RHOH: variants seen among roughly 807,000 people sequenced by gnomAD.
RHOH encodes ras homolog family member H, also known as rho-related GTP-binding protein RhoH.
Under a neutral mutation model 13.8 loss-of-function variants are expected in RHOH, and 6 were observed. The observed-to-expected ratio is 0.44, with a 90% CI of 0.24 to 0.86. RHOH has a LOEUF of 0.86. RHOH is among the 40% of genes least tolerant of loss of function. RHOH has a pLI of 0.24. For missense variants in RHOH, 147 were observed against 244.5 expected, an observed-to-expected ratio of 0.60 and a Z score of 2.66; for synonymous variants, 117 against 103.0, an observed-to-expected ratio of 1.14 and a Z score of -0.82.
At chr4:40,209,706 T>G (rs893712928) in intron 1 of RHOH, 1 of 152,370 alleles carries the variant, frequency 6.6e-6, no homozygotes, top group Middle Eastern at 3.4e-3. Flanking sequence ...CCTCCCAAAG[T>G]GCTGGGATTA....
upstream of RHOH, among the ~76,000 whole-genome samples, chr4:40,195,772 G>A (rs1220068583): frequency 6.6e-6 from 1 of 152,166 alleles, no homozygotes; most frequent in East Asian, 1.9e-4. Flanking sequence ...GATTTTCTAG[G>A]AGATAATGTG....
chr4:40,201,366 G>GA (rs201431420), intron 1 of RHOH, among the ~76,000 whole-genome samples: 208 of 136,836 alleles, frequency 1.5e-3, no homozygotes, highest in East Asian at 6.2e-3. Context: ...TGATTTCAAT[G>GA]AAAAAAAAAA....
At position 40,233,788 on chromosome 4, in the gene RHOH, A is replaced by T. The variant is rs79873375; in HGVS notation, c.-330-8926A>T. Reference sequence around the variant, plus strand: ...TTGGATTTTTTTCAACCATTAAAAAATGTAAAAACCACCTGTAATCCCAGC... The same window carrying T: ...TTGGATTTTTTTCAACCATTAAAAATTGTAAAAACCACCTGTAATCCCAGC... On this transcript the variant is annotated intron_variant, in intron 1 of 2. Transcript: ENST00000381799. Among the ~76,000 whole-genome samples, 1,407 of 152,160 alleles carry T rather than the reference A, an allele frequency of 9.2e-3. 45 individuals carry two copies. Among genetic ancestry groups the T allele is most frequent in the East Asian group, 0.069 (358 of 5,174 alleles).
chr4:40,246,752 T>C lies in RHOH; in HGVS notation c.*2790T>C, dbSNP rs1729790732. The C allele has an allele frequency of 6.6e-6, 1 of 152,226 alleles. No individual in the cohort carries two copies. The highest frequency in any genetic ancestry group is 1.5e-5 in the Non-Finnish European group (1 of 68,066). The allele number at this position is 152,226 out of a possible 1,614,324, so 9.4% of individuals were successfully genotyped here. On this transcript the variant is annotated 3_prime_UTR_variant, in exon 3 of 3. Transcript: ENST00000381799. ...AGCAAGCAGACCCTCACCAGCCTTGTAGGGGTAAGAAGAAAAATAGGTCAT... is the reference window on the plus strand; with the variant it reads ...AGCAAGCAGACCCTCACCAGCCTTGCAGGGGTAAGAAGAAAAATAGGTCAT...
chr4:40,197,550 G>T (rs1391852461), intron 1 of RHOH, among the ~76,000 whole-genome samples: 1 of 152,126 alleles, frequency 6.6e-6, no homozygotes, highest in African/African-American at 2.4e-5. Flanking sequence ...TGGTTTTCCA[G>T]ATATTCTAGA....
intron 1 of RHOH, among the ~76,000 whole-genome samples, chr4:40,206,749 C>G (rs1005567703): frequency 6.6e-6 from 1 of 152,150 alleles, no homozygotes; most frequent in Non-Finnish European, 1.5e-5. Flanking sequence ...ACAATATTGT[C>G]ACTATATTCC....
At chr4:40,211,312 C>T (rs1475768967) in intron 1 of RHOH, among the ~76,000 whole-genome samples, 1 of 152,030 alleles carries the variant, frequency 6.6e-6, no homozygotes, top group East Asian at 1.9e-4. Context: ...CTCACCGAGG[C>T]CAGAGTGCAG....
chr4:40,222,781 C>G (rs2381503), intron 1 of RHOH, among the ~76,000 whole-genome samples: 114,446 of 152,220 alleles, frequency 0.75, 43,420 homozygotes, highest in Non-Finnish European at 0.8. Flanking sequence ...AAGGCTATAG[C>G]TGCTATAGAT....
At chr4:40,231,775 C>G (rs1727977249) in intron 1 of RHOH, among the ~76,000 whole-genome samples, 1 of 152,208 alleles carries the variant, frequency 6.6e-6, no homozygotes, top group Admixed American at 6.5e-5. Context: ...CCTCTTTGGT[C>G]TTTCCCACCT....
At chr4:40,205,795 C>T (rs535430509) in intron 1 of RHOH, 3 of 152,122 alleles carry the variant, frequency 2.0e-5, no homozygotes, top group African/African-American at 7.2e-5. Flanking sequence ...ATCTTCATCC[C>T]TCCGGAGAAA....
intron 1 of RHOH, among the ~76,000 whole-genome samples, chr4:40,219,984 T>C (rs1726350749): frequency 6.6e-6 from 1 of 152,212 alleles, no homozygotes; most frequent in South Asian, 2.1e-4. Context: ...AGAAACTGCA[T>C]TGGCTAGGTA....
rs114971406 is a variant in RHOH at position 40,230,899 on chromosome 4, T to C, written c.-330-11815T>C. Among the ~76,000 whole-genome samples, 1,082 of 151,132 alleles carry C rather than the reference T, an allele frequency of 7.2e-3. 18 individuals are homozygous for C. Among genetic ancestry groups the C allele is most frequent in the African/African-American group, 0.025 (1,003 of 40,832 alleles). Reference sequence around the variant, plus strand: ...CTAGAAAAATTTTCAGAGTCACTGATAGGGATTCACAGAAATTTTCTGTAG... The same window carrying C: ...CTAGAAAAATTTTCAGAGTCACTGACAGGGATTCACAGAAATTTTCTGTAG... On this transcript the variant is annotated intron_variant, in intron 1 of 2. Transcript: ENST00000381799.
At chr4:40,215,946 A>G (rs1560695720) in intron 1 of RHOH, among the ~76,000 whole-genome samples, 1 of 151,740 alleles carries the variant, frequency 6.6e-6, no homozygotes. Context: ...AGTAAAATAT[A>G]TATATTGGGG....
At chr4:40,219,325 T>G (rs1357774386) in intron 1 of RHOH, among the ~76,000 whole-genome samples, 1 of 148,946 alleles carries the variant, frequency 6.7e-6, no homozygotes, top group Non-Finnish European at 1.5e-5. Context: ...GGCAGGCGAA[T>G]CACTTGAACC....
chr4:40,195,357 CCTT>C (rs1723014981), upstream of RHOH, among the ~76,000 whole-genome samples: 1 of 32,450 alleles, frequency 3.1e-5, no homozygotes, highest in Non-Finnish European at 7.0e-5. Flanking sequence ...TCTTTCTTTT[CCTT>C]CCTTCCTTCC....
At chr4:40,242,324 G>T (rs1452870832) in intron 1 of RHOH, among the ~76,000 whole-genome samples, 1 of 152,242 alleles carries the variant, frequency 6.6e-6, no homozygotes, top group East Asian at 1.9e-4. Flanking sequence ...GGGCCTAGCG[G>T]AGTTCGGGAT....
At chr4:40,200,762 G>A (rs1017967839) in intron 1 of RHOH, among the ~76,000 whole-genome samples, 6 of 152,158 alleles carry the variant, frequency 3.9e-5, no homozygotes, top group South Asian at 4.1e-4. Context: ...GTACGGTGCC[G>A]CTCATTTAAA....
At chr4:40,223,315 A>C (rs1292267475) in intron 1 of RHOH, among the ~76,000 whole-genome samples, 1 of 152,182 alleles carries the variant, frequency 6.6e-6, no homozygotes, top group African/African-American at 2.4e-5. Flanking sequence ...GAAAGGAAGA[A>C]TCAATCAGTG....
intron 1 of RHOH, among the ~76,000 whole-genome samples, chr4:40,235,965 G>T (rs1410921218): frequency 7.3e-6 from 1 of 136,742 alleles, no homozygotes; most frequent in Non-Finnish European, 1.5e-5. Context: ...CTGGCACACA[G>T]AGTAAGAGCC....
Sources: allele counts gnomAD v4.1 joint callset (sites outside exome capture counted in the v4.1 genomes callset), GRCh38; gene constraint gnomAD v4.1.1; transcripts MANE v1.5; gene names NCBI Gene and HGNC (gene_info 2026-07-23, HGNC 2026-07-21).